The following LSAMP variants were observed in gnomAD, a reference collection of about 807,000 sequenced individuals.
LSAMP encodes the protein limbic system-associated membrane protein.
A neutral mutation model predicts 38.6 loss-of-function variants in LSAMP; 7 were observed. The ratio of observed to expected loss-of-function variants is 0.18; its 90% CI spans 0.10 to 0.34. LSAMP has a LOEUF of 0.34. LSAMP is among the 10% of genes least tolerant of loss of function. LSAMP has a pLI of 1.00. For missense variants in LSAMP, 313 were observed against 420.0 expected (o/e 0.75, Z 2.23); for synonymous variants, 154 against 166.8 (o/e 0.92, Z 0.59).
At chr3:116,302,748 G>A (rs1419410799) in intron 1 of LSAMP, among the ~76,000 whole-genome samples, 2 of 152,224 alleles carry the variant, frequency 1.3e-5, no homozygotes, top group Middle Eastern at 3.4e-3. Flanking sequence ...CACAGTAGAA[G>A]ACAAATAACA....
intron 2 of LSAMP, among the ~76,000 whole-genome samples, chr3:116,057,945 ACACACACACACC>A (rs1202748374): frequency 1.9e-5 from 2 of 106,098 alleles, no homozygotes; most frequent in Non-Finnish European, 4.2e-5. Context: ...ACACACACAC[ACACACACACACC>A]CACACACACA....
chr3:115,837,386 A>G (rs1305512069), intron 6 of LSAMP, among the ~76,000 whole-genome samples: 3 of 152,016 alleles, frequency 2.0e-5, no homozygotes, highest in Non-Finnish European at 2.9e-5. Flanking sequence ...GTAATCAATC[A>G]GTGGGATTGT....
At chr3:116,053,241 G>A (rs1000605121) in intron 2 of LSAMP, among the ~76,000 whole-genome samples, 2 of 152,196 alleles carry the variant, frequency 1.3e-5, no homozygotes, top group Non-Finnish European at 2.9e-5. Context: ...CTTAGTGTCA[G>A]CAATGAATGC....
chr3:116,000,440 A>T (rs1207377901), intron 3 of LSAMP, among the ~76,000 whole-genome samples: 1 of 152,212 alleles, frequency 6.6e-6, no homozygotes, highest in East Asian at 1.9e-4. Flanking sequence ...GTCATCATGA[A>T]TCAGCAGCTG....
At chr3:116,302,993 C>A (rs2047434838) in intron 1 of LSAMP, among the ~76,000 whole-genome samples, 1 of 152,128 alleles carries the variant, frequency 6.6e-6, no homozygotes, top group South Asian at 2.1e-4. Context: ...TTGACATTTG[C>A]CATCAGTGAT....
At chr3:115,837,531 C>A (rs1481140518) in intron 6 of LSAMP, among the ~76,000 whole-genome samples, 1 of 152,088 alleles carries the variant, frequency 6.6e-6, no homozygotes, top group Non-Finnish European at 1.5e-5. Context: ...AATCATCGAA[C>A]TAACCTGGTG....
chr3:115,873,979 T>C (rs1276547521), intron 3 of LSAMP, among the ~76,000 whole-genome samples: 1 of 152,176 alleles, frequency 6.6e-6, no homozygotes, highest in Admixed American at 6.6e-5. Flanking sequence ...ATTTGCAGGA[T>C]GCAGAGCCTC....
intron 3 of LSAMP, among the ~76,000 whole-genome samples, chr3:115,949,560 C>T (rs1054734741): frequency 5.9e-5 from 9 of 151,746 alleles, no homozygotes; most frequent in Non-Finnish European, 1.3e-4. Flanking sequence ...AGACAAATAA[C>T]AAGTAGTGAG....
At chr3:115,946,430 C>G (rs191484433) in intron 3 of LSAMP, among the ~76,000 whole-genome samples, 1 of 152,166 alleles carries the variant, frequency 6.6e-6, no homozygotes, top group East Asian at 1.9e-4. Flanking sequence ...TGTCAATTTC[C>G]AAGATGTCTA....
chr3:115,830,345 C>A (rs1239878855), intron 6 of LSAMP, among the ~76,000 whole-genome samples: 2 of 152,128 alleles, frequency 1.3e-5, no homozygotes, highest in Non-Finnish European at 2.9e-5. Context: ...ATACATAAAA[C>A]AAATTAGATG....
intron 1 of LSAMP, among the ~76,000 whole-genome samples, chr3:116,351,751 C>A (rs1180722290): frequency 6.6e-6 from 1 of 152,086 alleles, no homozygotes; most frequent in Admixed American, 6.6e-5. Context: ...TATCCAGTAT[C>A]ATTCCCTTCA....
chr3:116,409,843 G>A (rs2048947677), intron 1 of LSAMP, among the ~76,000 whole-genome samples: 1 of 152,056 alleles, frequency 6.6e-6, no homozygotes, highest in Admixed American at 6.6e-5. Context: ...CTGAATTGAA[G>A]AAGAAAGATG....
In LSAMP at chr3:116,367,618, C is replaced by T. The variant is rs558895761; in HGVS notation, c.155+77259G>A. On this transcript the variant is annotated intron_variant, in intron 1 of 6. Coordinates refer to ENST00000490035, the MANE Select transcript of LSAMP (RefSeq NM_002338.5). The stretch of plus-strand genomic sequence containing the variant: ...CTCTCAGGTTCAAGCGATTCTCCTG[C>T]CTCAGGCTCCCGAGTAGCTGGGATT... 3.3e-5 allele frequency among the ~76,000 whole-genome samples: 5 copies of T among 151,708 alleles called. No homozygotes were observed. The South Asian group carries it at 1.0e-3, about 32-fold the overall frequency.
At chr3:116,237,483 A>C (rs1214708582) in intron 1 of LSAMP, among the ~76,000 whole-genome samples, 6 of 152,234 alleles carry the variant, frequency 3.9e-5, no homozygotes, top group Admixed American at 2.6e-4. Context: ...CAAGGTAAGA[A>C]GTATGAAATG....
At chr3:116,253,008 A>G (rs1335625729) in intron 1 of LSAMP, among the ~76,000 whole-genome samples, 1 of 152,192 alleles carries the variant, frequency 6.6e-6, no homozygotes, top group African/African-American at 2.4e-5. Context: ...GGACTTCTCG[A>G]ATCAATACGA....
intron 1 of LSAMP, among the ~76,000 whole-genome samples, chr3:116,421,790 C>T (rs1179547146): frequency 6.6e-6 from 1 of 152,134 alleles, no homozygotes; most frequent in African/African-American, 2.4e-5. Flanking sequence ...TAAGTGTCGA[C>T]AAGTATATGA....
chr3:116,214,855 G>C (rs375681536), intron 1 of LSAMP, among the ~76,000 whole-genome samples: 1 of 152,036 alleles, frequency 6.6e-6, no homozygotes, highest in South Asian at 2.1e-4. Flanking sequence ...AGGTATGACA[G>C]GGTCATCTCT....
intron 6 of LSAMP, among the ~76,000 whole-genome samples, chr3:115,823,158 G>A (rs564779263): frequency 7.2e-5 from 11 of 152,290 alleles, no homozygotes; most frequent in African/African-American, 2.6e-4. Flanking sequence ...ATATTAATGC[G>A]CCAACTTGGA....
intron 2 of LSAMP, among the ~76,000 whole-genome samples, chr3:116,074,205 C>A (rs1707678795): frequency 6.6e-6 from 1 of 152,162 alleles, no homozygotes; most frequent in African/African-American, 2.4e-5. Context: ...CATGCTGAAG[C>A]CTCAGTTTTG....
Sources: gnomAD v4.1 joint callset for allele counts (sites outside exome capture counted in the v4.1 genomes callset) on GRCh38, gnomAD v4.1.1 for gene constraint, MANE v1.5 for transcripts, NCBI Gene and HGNC (gene_info 2026-07-23, HGNC 2026-07-21) for gene names.